Variants in ARHGAP39 observed in about 807,000 individuals in gnomAD.
ARHGAP39 encodes Rho GTPase activating protein 39.
Under a neutral mutation model 106.9 loss-of-function variants are expected in ARHGAP39, and 44 were observed. That is an observed-to-expected ratio of 0.41 (90% CI 0.32 to 0.53). The LOEUF (loss-of-function observed/expected upper bound fraction) is 0.53, where lower values mean the gene tolerates loss of function less well. ARHGAP39 is among the 20% of genes least tolerant of loss of function. The pLI is 0.21. For missense variants in ARHGAP39, 1,496 were observed against 1,577.3 expected (o/e 0.95, Z 0.87); for synonymous variants, 768 against 693.2 (o/e 1.11, Z -1.69).
chr8:144,673,698 T>C (rs1822160014), intron 1 of ARHGAP39, among the ~76,000 whole-genome samples: 1 of 152,218 alleles, frequency 6.6e-6, no homozygotes, highest in African/African-American at 2.4e-5. Context: ...GCCTGAGTAT[T>C]GCTCATGCCC....
chr8:144,568,901 G>C (rs2130881241), intron 3 of ARHGAP39, among the ~76,000 whole-genome samples: 1 of 152,144 alleles, frequency 6.6e-6, no homozygotes, highest in African/African-American at 2.4e-5. Context: ...AAGGGATTGA[G>C]AACAAAAGAG....
intron 1 of ARHGAP39, among the ~76,000 whole-genome samples, chr8:144,676,307 T>C (rs1193134068): frequency 7.9e-5 from 12 of 152,196 alleles, no homozygotes; most frequent in South Asian, 4.1e-4. Context: ...AGAGTGCTGA[T>C]TGGTGCATTT....
At chr8:144,635,759 G>A (rs1476743831) in intron 1 of ARHGAP39, among the ~76,000 whole-genome samples, 1 of 151,628 alleles carries the variant, frequency 6.6e-6, no homozygotes, top group African/African-American at 2.4e-5. Flanking sequence ...CAGGTAGACA[G>A]TGTGAGGACT....
Position 144,547,421 on chromosome 8 carries a change from C to G in ARHGAP39, c.1665G>C (p.Ala555=), listed in dbSNP as rs1171878916. The change falls in exon 5 of 12, where the codon GCG becomes GCC. Residue 555 remains alanine (A), a synonymous_variant. Transcript: ENST00000377307. This position sits in a 1 kb window ranked among gnomAD's most constrained non-coding sequence, Gnocchi z 5.2. ...GCGCCTCCCAGGCCAGCCGAGCCTG[C>G]GCCAGGAAGGGCTCGGCCGCGCCCC... is the stretch of plus-strand genomic sequence containing the variant. ...GARGAAEPFL[A]QARLAWEAQQ... is the part of the protein sequence containing the mutation. 1 of 1,590,944 alleles carries G rather than the reference C, an allele frequency of 6.3e-7. No individual in the cohort carries two copies. The highest frequency in any genetic ancestry group is 8.5e-7 in the Non-Finnish European group (1 of 1,175,402).
At position 144,647,357 on chromosome 8, in the gene ARHGAP39, G is replaced by A. The variant is rs1172778633; in HGVS notation, c.-82+38329C>T. Among the ~76,000 whole-genome samples the A allele has an allele frequency of 1.3e-5, 2 of 152,200 alleles. No homozygotes were observed. Among genetic ancestry groups the A allele is most frequent in the Non-Finnish European group, 2.9e-5 (2 of 68,034 alleles). ...CATCCTCACATGAAACCCGCAGACT[G>A]CTGTGTCAAGGTGGCATCCCTGTTC... On this transcript the variant is annotated intron_variant, in intron 1 of 11. Coordinates refer to ENST00000377307, the MANE Select transcript of ARHGAP39 (RefSeq NM_025251.3). This position sits in a 1 kb window ranked among gnomAD's most constrained non-coding sequence, Gnocchi z 4.8.
At chr8:144,694,975 TGA>T in the ARHGAP39 span, among the ~76,000 whole-genome samples, 2 of 151,858 alleles carry the variant, frequency 1.3e-5, no homozygotes, top group Admixed American at 1.3e-4. Context: ...TGTTCACACA[TGA>T]GTTTTAAGTT....
chr8:144,618,884 T>C (rs1820709705), intron 1 of ARHGAP39, among the ~76,000 whole-genome samples: 1 of 152,218 alleles, frequency 6.6e-6, no homozygotes, highest in Non-Finnish European at 1.5e-5. Context: ...GCGGGCACAG[T>C]TGCGCACTGG....
intron 1 of ARHGAP39, among the ~76,000 whole-genome samples, chr8:144,642,885 T>C (rs1821347548): frequency 6.6e-6 from 1 of 151,872 alleles, no homozygotes; most frequent in East Asian, 1.9e-4. Flanking sequence ...TGATGGCTCA[T>C]GCCTGTGATC....
At chr8:144,531,065 C>T (rs873882) in intron 10 of ARHGAP39, among the ~76,000 whole-genome samples, 194 bp from the exon 11 acceptor site, 92,084 of 151,430 alleles carry the variant, frequency 0.61, 28,236 homozygotes, top group Admixed American at 0.67. Context: ...GGCCTGAACT[C>T]GATCCTGGAG....
chr8:144,664,771 C>T (rs1360369846), intron 1 of ARHGAP39, among the ~76,000 whole-genome samples: 3 of 152,194 alleles, frequency 2.0e-5, no homozygotes, highest in Non-Finnish European at 4.4e-5. Flanking sequence ...TCACCACCCA[C>T]CATGATTCTG....
chr8:144,626,532 G>A (rs1186406632), intron 1 of ARHGAP39, among the ~76,000 whole-genome samples: 2 of 113,576 alleles, frequency 1.8e-5, no homozygotes, highest in Non-Finnish European at 3.6e-5. Flanking sequence ...TGCACACTGC[G>A]GCAGCCCCTG....
At position 144,581,277 on chromosome 8, in the gene ARHGAP39, C is replaced by G. The variant is rs572851824; in HGVS notation, c.81G>C (p.Arg27=). The G allele has an allele frequency of 7.8e-6, 12 of 1,542,696 alleles. No individual in the cohort carries two copies. The East Asian group carries it at 2.4e-4, about 31-fold the overall frequency. ...PESRIPGSNT[R]LEWVEIIEPR... ...GTTCGATGATCTCCACCCACTCCAA[C>G]CTGGGGAGAGACAGGGTTAAGGCGG... Residue 27 remains arginine, a splice_region_variant and synonymous_variant, in exon 3 of 12, where the codon CGG becomes CGC. Transcript: ENST00000377307.
chr8:144,535,449 G>C (rs185956791), intron 7 of ARHGAP39, among the ~76,000 whole-genome samples: 1 of 152,368 alleles, frequency 6.6e-6, no homozygotes, highest in East Asian at 1.9e-4. Context: ...GCCCCTCTGG[G>C]CAGGCTATGA....
intron 2 of ARHGAP39, among the ~76,000 whole-genome samples, chr8:144,587,938 C>T (rs1304837447): frequency 6.6e-6 from 1 of 152,182 alleles, no homozygotes; most frequent in African/African-American, 2.4e-5. Flanking sequence ...CCACCGCGCC[C>T]GGCCAGAAGA....
chr8:144,629,749 G>A (rs1002264619), intron 1 of ARHGAP39, among the ~76,000 whole-genome samples: 4 of 152,200 alleles, frequency 2.6e-5, no homozygotes, highest in Non-Finnish European at 4.4e-5. Context: ...GACGAGACTC[G>A]GGTGGGGCTG....
chr8:144,577,668 A>T (rs1818825440), intron 3 of ARHGAP39, among the ~76,000 whole-genome samples: 1 of 152,178 alleles, frequency 6.6e-6, no homozygotes, highest in African/African-American at 2.4e-5. Context: ...CTAATACAGA[A>T]ATTCAGCAAA....
At chr8:144,552,320 T>C (rs936600107) in intron 4 of ARHGAP39, among the ~76,000 whole-genome samples, 10 of 152,384 alleles carry the variant, frequency 6.6e-5, no homozygotes, top group African/African-American at 2.4e-4. Context: ...GCGTCCCTGC[T>C]GCTGTCGCTC....
Position 144,547,089 on chromosome 8 carries a change from C to T in ARHGAP39, c.1959+38G>A. 1 of 1,522,450 alleles carries T rather than the reference C, an allele frequency of 6.6e-7. No homozygotes were observed. Among genetic ancestry groups the T allele is most frequent in the Non-Finnish European group, 8.8e-7 (1 of 1,135,578 alleles). 94.3% of individuals were successfully genotyped at this position (1,522,450 alleles called of 1,614,324 possible). ...GGGTCCACTCTGACTGGGCTGGCCC[C>T]AGGCTCTCAAGCTCAGCCGCGCCCA... is the stretch of plus-strand genomic sequence containing the variant. On this transcript the variant is annotated intron_variant, in intron 5 of 11. Transcript: ENST00000377307. This position sits in a 1 kb window ranked among gnomAD's most constrained non-coding sequence, Gnocchi z 5.2.
intron 6 of ARHGAP39, among the ~76,000 whole-genome samples, chr8:144,539,600 G>A (rs771770886): frequency 6.6e-6 from 1 of 152,228 alleles, no homozygotes; most frequent in Non-Finnish European, 1.5e-5. Flanking sequence ...TTCAAAATAT[G>A]CGTTGAAATT....
Sources: gnomAD v4.1 joint callset for allele counts (sites outside exome capture counted in the v4.1 genomes callset) on GRCh38, gnomAD v4.1.1 for gene constraint, Gnocchi (gnomAD v3.1) non-coding constraint, MANE v1.5 for transcripts, NCBI Gene and HGNC (gene_info 2026-07-23, HGNC 2026-07-21) for gene names.